Variants in TENM2 observed in about 807,000 individuals in gnomAD.
TENM2 encodes the protein teneurin-2.
A neutral mutation model predicts 245.2 loss-of-function variants in TENM2; 52 were observed. That is an observed-to-expected ratio of 0.21 (90% CI 0.17 to 0.27). The LOEUF (loss-of-function observed/expected upper bound fraction) is 0.27. Ranked by LOEUF, TENM2 falls within the 10% of genes least tolerant of loss-of-function variation. The probability of loss-of-function intolerance (pLI) is 1.00; values close to 1 mark genes in which losing one functional copy is unlikely to be tolerated. For synonymous variants in TENM2, 1,363 were observed against 1,438.9 expected (o/e 0.95, Z 1.19); for missense variants, 3,046 against 3,666.8 (o/e 0.83, Z 4.37).
the TENM2 span, among the ~76,000 whole-genome samples, chr5:167,150,775 C>A: frequency 6.6e-6 from 1 of 152,278 alleles, no homozygotes; most frequent in Admixed American, 6.5e-5. Flanking sequence ...AGATTTCAAC[C>A]TAGAGCCTGG....
At chr5:167,837,278 G>A (rs1192285014) in intron 2 of TENM2, among the ~76,000 whole-genome samples, 2 of 152,108 alleles carry the variant, frequency 1.3e-5, no homozygotes, top group African/African-American at 2.4e-5. Flanking sequence ...AGCTGAAAGA[G>A]TGAGCCACCC....
At chr5:167,174,385 T>C in the TENM2 span, among the ~76,000 whole-genome samples, 5 of 152,170 alleles carry the variant, frequency 3.3e-5, no homozygotes, top group African/African-American at 1.2e-4. Context: ...GTTTTGGGGC[T>C]CTCTCTAGTG....
chr5:167,319,136 A>G (rs946528278), intron 1 of TENM2, among the ~76,000 whole-genome samples: 34 of 152,218 alleles, frequency 2.2e-4, no homozygotes, highest in African/African-American at 8.0e-4. Context: ...TTTAAAATCA[A>G]TTAACTTTGT....
the TENM2 span, among the ~76,000 whole-genome samples, chr5:167,101,849 T>TTATATATATATATACATATATATATA: frequency 1.4e-5 from 1 of 69,438 alleles, no homozygotes; most frequent in Non-Finnish European, 2.6e-5. Flanking sequence ...ATATATATAT[T>TTATATATATATATACATATATATATA]TATATATATA....
chr5:167,403,099 A>G (rs1762449065), intron 2 of TENM2, among the ~76,000 whole-genome samples: 1 of 152,110 alleles, frequency 6.6e-6, no homozygotes, highest in Non-Finnish European at 1.5e-5. Flanking sequence ...AAGATTTACC[A>G]GCTTAGAAAA....
the TENM2 span, among the ~76,000 whole-genome samples, chr5:167,049,526 C>A: frequency 6.6e-6 from 1 of 152,158 alleles, no homozygotes; most frequent in Non-Finnish European, 1.5e-5. Context: ...ATACATCAAA[C>A]TATATTTATT....
rs143780166 is a variant in TENM2, at chr5:167,642,042, G to A, written c.503-233944G>A. Among the ~76,000 whole-genome samples, 335 of 151,764 alleles carry A rather than the reference G, an allele frequency of 2.2e-3. 5 individuals are homozygous for A. The East Asian group carries it at 0.06, about 27-fold the overall frequency. On this transcript the variant is annotated intron_variant, in intron 2 of 28. Coordinates refer to ENST00000518659, the Ensembl canonical transcript of TENM2. ...TGTAATCCTAGCTACTCTGGAGGCT[G>A]AGGCAGGAGATTCGCTTGAACCCAG...
intron 3 of TENM2, among the ~76,000 whole-genome samples, chr5:167,893,458 T>G (rs1432075688): frequency 6.6e-6 from 1 of 152,124 alleles, no homozygotes; most frequent in African/African-American, 2.4e-5. Context: ...CCAATTAGAC[T>G]TCTTTAAAAA....
At chr5:167,783,490 C>G (rs147691825) in intron 2 of TENM2, among the ~76,000 whole-genome samples, 140 of 152,286 alleles carry the variant, frequency 9.2e-4, no homozygotes, top group Middle Eastern at 3.4e-3. Context: ...CTCTACAGCA[C>G]CAGTTGCAAT....
chr5:167,556,812 G>T (rs1311987837), intron 2 of TENM2, among the ~76,000 whole-genome samples: 1 of 152,118 alleles, frequency 6.6e-6, no homozygotes, highest in Non-Finnish European at 1.5e-5. Context: ...GCGGAGTGCA[G>T]CAAGTACCCC....
intron 2 of TENM2, among the ~76,000 whole-genome samples, chr5:167,436,054 T>C (rs2127451465): frequency 6.8e-6 from 1 of 146,990 alleles, no homozygotes; most frequent in South Asian, 2.2e-4. Flanking sequence ...CTTGGCTCAC[T>C]GTAACCTCTG....
At chr5:167,049,481 CTCTTG>C in the TENM2 span, among the ~76,000 whole-genome samples, 8 of 152,050 alleles carry the variant, frequency 5.3e-5, no homozygotes, top group African/African-American at 1.7e-4. Context: ...ACTGGGAGTC[CTCTTG>C]TCTTTAAACC....
chr5:167,290,226 A>C (rs1460749244), intron 1 of TENM2, among the ~76,000 whole-genome samples: 2 of 152,178 alleles, frequency 1.3e-5, no homozygotes, highest in African/African-American at 2.4e-5. Context: ...TAATGAATGA[A>C]GACTCTGGAG....
chr5:167,689,132 C>T (rs1259160897), intron 2 of TENM2, among the ~76,000 whole-genome samples: 1 of 152,130 alleles, frequency 6.6e-6, no homozygotes, highest in African/African-American at 2.4e-5. Flanking sequence ...TTGAGGGAAA[C>T]ACCTGTGAAA....
chr5:167,199,733 A>G, the TENM2 span, among the ~76,000 whole-genome samples: 615 of 152,172 alleles, frequency 4.0e-3, 3 homozygotes, highest in African/African-American at 0.014. Context: ...TCGTTTTGAC[A>G]TGTTCCCCAA....
chr5:168,041,965 C>T (rs1371672059), intron 5 of TENM2, among the ~76,000 whole-genome samples: 1 of 152,198 alleles, frequency 6.6e-6, no homozygotes, highest in Admixed American at 6.5e-5. Context: ...AGCAGTTGTG[C>T]ATGTTAGCCC....
At chr5:168,022,762 G>A (rs1487152337) in intron 5 of TENM2, among the ~76,000 whole-genome samples, 3 of 152,140 alleles carry the variant, frequency 2.0e-5, no homozygotes. Context: ...TTAACGGGAG[G>A]AGGCAGAGAA....
chr5:168,085,895 C>T (rs976378723), intron 7 of TENM2, among the ~76,000 whole-genome samples: 3 of 152,254 alleles, frequency 2.0e-5, no homozygotes, highest in Non-Finnish European at 4.4e-5. Context: ...GTAGAATCAA[C>T]ATCAGACATC....
intron 8 of TENM2, among the ~76,000 whole-genome samples, chr5:168,097,603 CGT>C (rs3083428): frequency 0.82 from 122,959 of 149,162 alleles, 50,827 homozygotes; most frequent in East Asian, 0.93. Context: ...TGTGTGTGTG[CGT>C]GTGTGTGTGT....
Sources: gnomAD v4.1 joint callset for allele counts (sites outside exome capture counted in the v4.1 genomes callset) on GRCh38, gnomAD v4.1.1 for gene constraint, MANE v1.5 for transcripts, NCBI Gene and HGNC (gene_info 2026-07-23, HGNC 2026-07-21) for gene names.